The following RIN2 variants were observed in gnomAD, a reference collection of about 807,000 sequenced individuals.
The protein encoded by RIN2 is RAB5 interacting protein 2.
RIN2 carries 36 observed loss-of-function variants against 78.0 expected under a neutral mutation model. The observed-to-expected ratio is 0.46, with a 90% CI of 0.35 to 0.61. The LOEUF is 0.61. RIN2 is among the 20% of genes least tolerant of loss of function. RIN2 has a pLI of 0.00. For missense variants in RIN2, 1,087 were observed against 1,159.7 expected, an observed-to-expected ratio of 0.94 and a Z score of 0.91; for synonymous variants, 466 against 466.8, an observed-to-expected ratio of 1.00 and a Z score of 0.02.
chr20:19,904,049 A>G (rs1047985948), intron 3 of RIN2, among the ~76,000 whole-genome samples: 3 of 151,820 alleles, frequency 2.0e-5, no homozygotes, highest in Non-Finnish European at 2.9e-5. Context: ...TCAGGAGTTC[A>G]AGACCAGCCT....
intron 4 of RIN2, among the ~76,000 whole-genome samples, chr20:19,950,884 C>CA (rs2041284849): frequency 8.6e-6 from 1 of 116,504 alleles, no homozygotes; most frequent in Non-Finnish European, 1.8e-5. Context: ...CCTGGCTAAC[C>CA]TTTTTTTTTT....
intron 2 of RIN2, among the ~76,000 whole-genome samples, chr20:19,835,242 A>G (rs535201537): frequency 1.3e-5 from 2 of 152,230 alleles, no homozygotes; most frequent in African/African-American, 4.8e-5. Flanking sequence ...TGCACTAGTA[A>G]TTGTGTAAAT....
chr20:19,988,008 C>CGTTAGAT (rs1336821470), intron 9 of RIN2, among the ~76,000 whole-genome samples: 1 of 152,152 alleles, frequency 6.6e-6, no homozygotes, highest in Non-Finnish European at 1.5e-5. Flanking sequence ...TGTACCTCTG[C>CGTTAGAT]GTTAGATTTA....
chr20:19,988,418 C>A (rs183267571), intron 9 of RIN2, among the ~76,000 whole-genome samples: 3 of 152,284 alleles, frequency 2.0e-5, no homozygotes, highest in Admixed American at 1.3e-4. Context: ...CCATGCCTGG[C>A]CTAACTTAAC....
intron 2 of RIN2, among the ~76,000 whole-genome samples, chr20:19,881,292 T>C (rs141499126): frequency 6.6e-6 from 1 of 152,248 alleles, no homozygotes; most frequent in Non-Finnish European, 1.5e-5. Flanking sequence ...AATAGGCAAA[T>C]GCTAAAACCC....
At chr20:19,833,320 A>G (rs2036307349) in intron 2 of RIN2, among the ~76,000 whole-genome samples, 1 of 148,510 alleles carries the variant, frequency 6.7e-6, no homozygotes, top group South Asian at 2.1e-4. Flanking sequence ...TCCAGGATGC[A>G]CGTGCAGAAC....
intron 2 of RIN2, among the ~76,000 whole-genome samples, chr20:19,836,537 G>C (rs1292860149): frequency 6.6e-6 from 1 of 151,894 alleles, no homozygotes; most frequent in Non-Finnish European, 1.5e-5. Flanking sequence ...AATATTGATA[G>C]TAAATTAAAG....
chr20:19,992,448 C>T, intron 11 of RIN2, 149 bp downstream of exon 11: 2 of 782,930 alleles, frequency 2.6e-6, no homozygotes, highest in South Asian at 2.6e-5. Flanking sequence ...ATGCATTCTC[C>T]ACCTTTATTT....
At chr20:19,948,115 G>C (rs2041166327) in intron 4 of RIN2, among the ~76,000 whole-genome samples, 1 of 152,136 alleles carries the variant, frequency 6.6e-6, no homozygotes, top group Non-Finnish European at 1.5e-5. Context: ...TAAAACACAA[G>C]GGTAGACCAC....
intron 3 of RIN2, among the ~76,000 whole-genome samples, chr20:19,916,557 T>C (rs1177968066): frequency 6.6e-6 from 1 of 152,186 alleles, no homozygotes; most frequent in Non-Finnish European, 1.5e-5. Context: ...AGCTCAAGGC[T>C]GCACTCCAGC....
At chr20:19,777,669 C>T (rs180889069) in intron 1 of RIN2, among the ~76,000 whole-genome samples, 42 of 152,336 alleles carry the variant, frequency 2.8e-4, no homozygotes, top group Middle Eastern at 3.4e-3. Flanking sequence ...CTGGCTGAGA[C>T]GAGATCTTCC....
At chr20:19,886,781 G>C (rs2038216867) in intron 2 of RIN2, 1 of 1,525,516 alleles carries the variant, frequency 6.6e-7, no homozygotes, top group Non-Finnish European at 8.8e-7. Context: ...TCAAACTACG[G>C]TACCCTTTTT....
At chr20:19,761,317 G>A (rs1237198999) in intron 1 of RIN2, among the ~76,000 whole-genome samples, 1 of 152,220 alleles carries the variant, frequency 6.6e-6, no homozygotes, top group East Asian at 1.9e-4. Context: ...AGGATTCACC[G>A]AGTTGTGTTT....
chr20:19,839,899 T>C (rs921489086), intron 2 of RIN2, among the ~76,000 whole-genome samples: 3 of 152,144 alleles, frequency 2.0e-5, no homozygotes, highest in Admixed American at 6.5e-5. Flanking sequence ...AAATGCAAAA[T>C]TGAAACCCGC....
At chr20:19,944,673 A>C (rs969224704) in intron 4 of RIN2, among the ~76,000 whole-genome samples, 2 of 151,872 alleles carry the variant, frequency 1.3e-5, no homozygotes, top group Non-Finnish European at 2.9e-5. Flanking sequence ...TTAACACAAA[A>C]ATATCAAGAG....
At chr20:19,949,359 T>C (rs988856822) in intron 4 of RIN2, among the ~76,000 whole-genome samples, 8 of 152,184 alleles carry the variant, frequency 5.3e-5, no homozygotes, top group African/African-American at 1.9e-4. Flanking sequence ...TTTAGGGGGC[T>C]TTTTGTTTTA....
chr20:19,881,558 C>G (rs998520787), intron 2 of RIN2, among the ~76,000 whole-genome samples: 1 of 152,062 alleles, frequency 6.6e-6, no homozygotes, highest in African/African-American at 2.4e-5. Flanking sequence ...CATTTCGACC[C>G]AAAACATTGT....
intron 2 of RIN2, among the ~76,000 whole-genome samples, chr20:19,805,741 T>G (rs976141783): frequency 2.6e-5 from 4 of 152,048 alleles, no homozygotes; most frequent in African/African-American, 9.7e-5. Flanking sequence ...TATTATACTT[T>G]AAGTTCTGGG....
At chr20:19,889,139 C>T (rs2038326269) in intron 2 of RIN2, 1 of 985,308 alleles carries the variant, frequency 1.0e-6, no homozygotes, top group African/African-American at 1.7e-5. Flanking sequence ...AGGATGACCT[C>T]ACCCCCTTCC....
Sources: gnomAD v4.1 joint callset for allele counts (sites outside exome capture counted in the v4.1 genomes callset) on GRCh38, gnomAD v4.1.1 for gene constraint, MANE v1.5 for transcripts, NCBI Gene and HGNC (gene_info 2026-07-23, HGNC 2026-07-21) for gene names.